Variants in PUS10 observed in about 807,000 individuals in gnomAD.
PUS10 encodes tRNA pseudouridine synthase Pus10.
Under a neutral mutation model 75.0 loss-of-function variants are expected in PUS10, and 59 were observed. The ratio of observed to expected loss-of-function variants is 0.79; its 90% CI spans 0.64 to 0.98. PUS10 has a LOEUF of 0.98. Ranked by LOEUF, PUS10 falls within the 50% of genes least tolerant of loss-of-function variation. PUS10 has a pLI of 0.00. For synonymous variants in PUS10, 219 were observed against 211.6 expected (o/e 1.03, Z -0.30); for missense variants, 650 against 614.4 (o/e 1.06, Z -0.61).
intron 17 of PUS10, among the ~76,000 whole-genome samples, chr2:60,943,486 A>C (rs33986372): frequency 0.11 from 16,099 of 144,920 alleles, 1,166 homozygotes; most frequent in Non-Finnish European, 0.16. Context: ...AAAAAAAAAA[A>C]CCCACCGTAT....
chr2:61,001,883 TTTTAA>T (rs1678880184), intron 4 of PUS10, among the ~76,000 whole-genome samples: 1 of 152,342 alleles, frequency 6.6e-6, no homozygotes, highest in African/African-American at 2.4e-5. Flanking sequence ...CTCTCAATCC[TTTTAA>T]TTTATCTTCC....
chr2:61,013,571 T>C (rs1309404021), intron 1 of PUS10, among the ~76,000 whole-genome samples: 1 of 152,266 alleles, frequency 6.6e-6, no homozygotes, highest in East Asian at 1.9e-4. Context: ...TAAACGTGTA[T>C]GCCTTTTCTC....
rs527904705 is a variant in PUS10, at chr2:60,941,217, A to C, written c.*1178T>G. On this transcript the variant is annotated 3_prime_UTR_variant, in exon 18 of 18. Coordinates refer to ENST00000316752, the MANE Select transcript of PUS10 (RefSeq NM_144709.4). ...AATGTTTTTCCTCTTCATAATACCA[A>C]CTGAGGTTTAACTTAATAACAAATG... is the stretch of plus-strand genomic sequence containing the variant. The C allele has an allele frequency of 6.6e-6, 1 of 152,418 alleles. No homozygotes were observed. The highest frequency in any genetic ancestry group is 2.4e-5 in the African/African-American group (1 of 41,568). The allele number at this position is 152,418 out of a possible 1,614,324, so 9.4% of individuals were successfully genotyped here.
At chr2:60,994,168 G>T (rs1678300737) in intron 4 of PUS10, among the ~76,000 whole-genome samples, 1 of 151,646 alleles carries the variant, frequency 6.6e-6, no homozygotes, top group Admixed American at 6.6e-5. Flanking sequence ...GAAGAAAGTA[G>T]TAGTACTATT....
intron 1 of PUS10, chr2:61,017,010 C>T (rs1050071235): frequency 2.0e-5 from 3 of 152,346 alleles, no homozygotes; most frequent in Admixed American, 2.0e-4. Context: ...CAAGCAAGCC[C>T]TTCCCCCTTC....
intron 4 of PUS10, among the ~76,000 whole-genome samples, chr2:60,997,127 T>G (rs1678520949): frequency 6.6e-6 from 1 of 152,174 alleles, no homozygotes; most frequent in African/African-American, 2.4e-5. Context: ...GAGTTACCTT[T>G]GATAAGATAG....
intron 1 of PUS10, chr2:61,017,695 G>A: frequency 1.2e-5 from 16 of 1,327,352 alleles, no homozygotes; most frequent in Non-Finnish European, 1.6e-5. Flanking sequence ...TTACGCTCCA[G>A]GTGCTGGTCT....
chr2:60,957,706 T>C (rs949269577), intron 11 of PUS10, among the ~76,000 whole-genome samples: 36 of 152,346 alleles, frequency 2.4e-4, no homozygotes, highest in African/African-American at 8.7e-4. Context: ...TGGTGATCTG[T>C]TGCTCTCTGT....
In PUS10 at chr2:60,971,687, G is replaced by A; in HGVS notation, c.469-130C>T. 6 of 816,826 alleles carry A rather than the reference G, an allele frequency of 7.3e-6. No homozygotes were observed. In the South Asian group the frequency reaches 8.0e-5, roughly 11 times the overall value. 50.6% of individuals were successfully genotyped at this position (816,826 alleles called of 1,614,324 possible). On this transcript the variant is annotated intron_variant, in intron 4 of 17. Coordinates refer to ENST00000316752, the MANE Select transcript of PUS10 (RefSeq NM_144709.4). ...ACTCCCCTTTTTAGGTGACGAGTTA[G>A]TATTCAAAAATTTACCAGTGACCTC...
At chr2:60,957,827 G>A (rs900764669) in intron 11 of PUS10, among the ~76,000 whole-genome samples, 13 of 152,386 alleles carry the variant, frequency 8.5e-5, no homozygotes, top group Admixed American at 7.2e-4. Context: ...CTGTGTTTTA[G>A]TCAGGAGTAG....
In PUS10 at chr2:61,018,117, AG is replaced by A. The variant is rs1458494904; in HGVS notation, c.-126del. ...CTCTGGGTCTCTGTGCTTGAAAGAAAGGGGGGCGGCTTCCTACCTACCGCTT... is the reference window on the plus strand; with the variant it reads ...CTCTGGGTCTCTGTGCTTGAAAGAAAGGGGGCGGCTTCCTACCTACCGCTT... On this transcript the variant is annotated 5_prime_UTR_variant, in exon 1 of 18. Coordinates refer to ENST00000316752, the MANE Select transcript of PUS10 (RefSeq NM_144709.4). 1.3e-6 allele frequency: 2 copies of A among 1,546,944 alleles called. No individual in the cohort carries two copies. Among genetic ancestry groups the A allele is most frequent in the East Asian group, 2.4e-5 (1 of 40,998 alleles).
chr2:60,944,474 C>T (rs190738592), intron 17 of PUS10, among the ~76,000 whole-genome samples: 1 of 152,168 alleles, frequency 6.6e-6, no homozygotes, highest in Admixed American at 6.5e-5. Context: ...AAACACCACT[C>T]GTGACTCAAC....
intron 4 of PUS10, among the ~76,000 whole-genome samples, chr2:60,988,044 G>A (rs553265878): frequency 4.0e-5 from 6 of 151,278 alleles, no homozygotes; most frequent in Non-Finnish European, 2.9e-5. Flanking sequence ...AGCTGAGATC[G>A]TACCACTGCA....
At chr2:61,005,994 G>A (rs773122826) in intron 4 of PUS10, among the ~76,000 whole-genome samples, 2 of 152,082 alleles carry the variant, frequency 1.3e-5, no homozygotes, top group South Asian at 2.1e-4. Context: ...AACAGTATTA[G>A]CAAAGCTTTA....
At chr2:60,981,441 T>C (rs950924738) in intron 4 of PUS10, among the ~76,000 whole-genome samples, 1 of 151,002 alleles carries the variant, frequency 6.6e-6, no homozygotes, top group African/African-American at 2.4e-5. Context: ...CGCCACCACA[T>C]CTAGCTAATT....
chr2:60,993,014 C>T (rs376562983), intron 4 of PUS10, among the ~76,000 whole-genome samples: 2 of 152,298 alleles, frequency 1.3e-5, no homozygotes, highest in East Asian at 3.9e-4. Flanking sequence ...AGCACTCTTG[C>T]CCTGGCTCTG....
Position 61,006,570 on chromosome 2 carries a change from A to G in PUS10, c.455T>C (p.Leu152Pro). 1 of 1,612,916 alleles carries G rather than the reference A, an allele frequency of 6.2e-7. No individual in the cohort carries two copies. Among genetic ancestry groups the G allele is most frequent in the Non-Finnish European group, 8.5e-7 (1 of 1,179,186 alleles). Residue 152 changes from leucine (L) to proline (P), a missense_variant, in exon 4 of 18, where the codon CTA becomes CCA. Leu to Pro is a moderately conservative substitution (Grantham distance 98, BLOSUM62 -3). Transcript: ENST00000316752. ...AAATGACCTTACCTCTCTTACAGAT[A>G]GTTGTGGTGGGAAGGAGACTGAAAA... ...LVFSVSFPPQLSVREHAAWLL... is the reference protein window; with the variant it reads ...LVFSVSFPPQPSVREHAAWLL...
chr2:60,953,864 C>T lies in PUS10; in HGVS notation c.1190+69G>A. 4 of 1,183,372 alleles carry T rather than the reference C, an allele frequency of 3.4e-6. No individual in the cohort carries two copies. In the South Asian group the frequency reaches 3.7e-5, roughly 11 times the overall value. 73.3% of individuals were successfully genotyped at this position (1,183,372 alleles called of 1,614,324 possible). ...CTTTATATATTCTGGATGCAATTCC[C>T]TTATCAAGATATGTGACCTGCAACT... On this transcript the variant is annotated intron_variant, in intron 14 of 17. Transcript: ENST00000316752.
intron 16 of PUS10, among the ~76,000 whole-genome samples, chr2:60,947,264 T>C (rs748011450): frequency 1.3e-5 from 2 of 152,196 alleles, no homozygotes; most frequent in Admixed American, 6.5e-5. Flanking sequence ...TCTGTTGTAC[T>C]AGGCCAGTGG....
Sources: allele counts gnomAD v4.1 joint callset (sites outside exome capture counted in the v4.1 genomes callset), GRCh38; gene constraint gnomAD v4.1.1; transcripts MANE v1.5; gene names NCBI Gene and HGNC (gene_info 2026-07-23, HGNC 2026-07-21).